Variants in MTMR14 observed in about 807,000 individuals in gnomAD.
MTMR14 encodes the protein phosphatidylinositol-3,5-bisphosphate 3-phosphatase MTMR14.
Under a neutral mutation model 86.3 loss-of-function variants are expected in MTMR14, and 48 were observed. The observed-to-expected ratio is 0.56, with a 90% confidence interval of 0.44 to 0.71. The LOEUF (loss-of-function observed/expected upper bound fraction) is 0.71, where lower values mean the gene tolerates loss of function less well. Ranked by LOEUF, MTMR14 falls within the 30% of genes least tolerant of loss-of-function variation. The probability of loss-of-function intolerance (pLI) is 0.00; values close to 1 mark genes in which losing one functional copy is unlikely to be tolerated. For synonymous variants in MTMR14, 366 were observed against 326.1 expected, an observed-to-expected ratio of 1.12 and a Z score of -1.32; for missense variants, 780 against 834.6, an observed-to-expected ratio of 0.93 and a Z score of 0.81.
intron 7 of MTMR14, among the ~76,000 whole-genome samples, chr3:9,672,969 G>A (rs1378802779): frequency 3.9e-5 from 6 of 152,148 alleles, no homozygotes; most frequent in Admixed American, 2.0e-4. Context: ...AGGGGTTTAG[G>A]GATTTTGTAC....
At chr3:9,673,818 T>C (rs2048705353) in intron 7 of MTMR14, among the ~76,000 whole-genome samples, 1 of 144,196 alleles carries the variant, frequency 6.9e-6, no homozygotes, top group African/African-American at 2.9e-5. Flanking sequence ...GCCAGACCCC[T>C]CCATAACAGG....
rs921183614 is a variant in MTMR14, at chr3:9,697,815, C to T, written c.1718C>T (p.Thr573Ile). 1.9e-6 allele frequency: 3 copies of T among 1,614,234 alleles called. No homozygotes were observed. The highest frequency in any genetic ancestry group is 2.2e-5 in the East Asian group (1 of 44,878). ...ATTCAGGAGCGGGCTGTCCTGCACA[C>T]AGACTCCTCTCTCCCTTTCAGCTTC... ...GSIQERAVLH[T>I]DSSLPFSFPD... The change falls in exon 18 of 19, where the codon ACA becomes ATA. Residue 573 changes from threonine (T) to isoleucine (I), a missense_variant. By Grantham distance (89) the Thr-to-Ile change is moderately conservative (BLOSUM62 -1). Coordinates refer to ENST00000296003, the MANE Select transcript of MTMR14 (RefSeq NM_001077525.3).
At chr3:9,668,109 T>G (rs1185731571) in intron 3 of MTMR14, among the ~76,000 whole-genome samples, 1 of 152,188 alleles carries the variant, frequency 6.6e-6, no homozygotes, top group Non-Finnish European at 1.5e-5. Context: ...CAGTTGCCCG[T>G]TTCTAGAATT....
intron 1 of MTMR14, chr3:9,650,423 G>C: frequency 2.2e-6 from 1 of 455,014 alleles, no homozygotes; most frequent in Non-Finnish European, 4.4e-6. Flanking sequence ...TGCCGACCCT[G>C]CCATCTCATT....
intron 13 of MTMR14, 88 bp from the exon 14 acceptor site, chr3:9,687,733 G>T: frequency 9.5e-7 from 1 of 1,056,064 alleles, no homozygotes; most frequent in Non-Finnish European, 1.4e-6. Context: ...TCCAGCAGGG[G>T]CCTTGACCTG....
chr3:9,667,622 C>G (rs759452257), intron 3 of MTMR14, among the ~76,000 whole-genome samples: 12 of 152,116 alleles, frequency 7.9e-5, no homozygotes, highest in Admixed American at 3.3e-4. Flanking sequence ...GCTCTTGCCC[C>G]AGCACCAATA....
At chr3:9,663,414 ATCT>A (rs2048050835) in intron 3 of MTMR14, among the ~76,000 whole-genome samples, 1 of 145,406 alleles carries the variant, frequency 6.9e-6, no homozygotes, top group Non-Finnish European at 1.5e-5. Context: ...CTAGAAATTG[ATCT>A]TCTTAAAGCT....
At chr3:9,674,507 G>T (rs2048745905) in intron 7 of MTMR14, among the ~76,000 whole-genome samples, 2 of 152,232 alleles carry the variant, frequency 1.3e-5, no homozygotes, top group East Asian at 1.9e-4. Flanking sequence ...TCGAAAATGG[G>T]CTGGGCATGG....
chr3:9,689,557 G>A (rs1390707611), intron 16 of MTMR14, among the ~76,000 whole-genome samples: 1 of 152,174 alleles, frequency 6.6e-6, no homozygotes, highest in African/African-American at 2.4e-5. Flanking sequence ...AGTCCTGAGT[G>A]GTGGCTTATA....
chr3:9,671,768 A>C (rs1296051339), intron 6 of MTMR14, among the ~76,000 whole-genome samples: 1 of 152,198 alleles, frequency 6.6e-6, no homozygotes, highest in East Asian at 1.9e-4. Flanking sequence ...AGAAGTCAAA[A>C]CTAAAAAATA....
chr3:9,666,143 T>G (rs1240338370), intron 3 of MTMR14, among the ~76,000 whole-genome samples: 1 of 148,642 alleles, frequency 6.7e-6, no homozygotes, highest in African/African-American at 2.5e-5. Flanking sequence ...GTTTTTTTTT[T>G]TTTTTTTTTT....
At chr3:9,695,708 A>T (rs989758471) in intron 17 of MTMR14, among the ~76,000 whole-genome samples, 2 of 152,182 alleles carry the variant, frequency 1.3e-5, no homozygotes, top group Non-Finnish European at 2.9e-5. Context: ...GCTGTGCCTC[A>T]ACCTAGTCAG....
At position 9,664,704 on chromosome 3, in the gene MTMR14, A is replaced by G. The variant is rs185013599; in HGVS notation, c.417+2329A>G. Among the ~76,000 whole-genome samples the G allele has an allele frequency of 2.6e-5, 4 of 152,308 alleles. No homozygotes were observed. In the East Asian group the frequency reaches 7.7e-4, roughly 29 times the overall value. On this transcript the variant is annotated intron_variant, in intron 3 of 18. Transcript: ENST00000296003. ...TTTGAAAGCTAAAAAAATTAAAACA[A>G]TTGAACTCATGAAGATAGAGAGTAG...
chr3:9,684,151 A>G (rs2075859789), intron 10 of MTMR14, among the ~76,000 whole-genome samples: 2 of 152,136 alleles, frequency 1.3e-5, no homozygotes, highest in African/African-American at 4.8e-5. Flanking sequence ...GAGGGTGGGG[A>G]AGGTAGTACT....
intron 2 of MTMR14, among the ~76,000 whole-genome samples, chr3:9,661,117 T>G (rs2047905709): frequency 6.6e-6 from 1 of 152,190 alleles, no homozygotes; most frequent in Non-Finnish European, 1.5e-5. Flanking sequence ...CTCTTATGCC[T>G]CCTTTGCTCT....
Position 9,701,957 on chromosome 3 carries a change from G to C in MTMR14, c.1937G>C (p.Ser646Thr), listed in dbSNP as rs751150103. The C allele has an allele frequency of 6.2e-7, 1 of 1,614,182 alleles. No individual in the cohort carries two copies. Among genetic ancestry groups the C allele is most frequent in the Admixed American group, 1.7e-5 (1 of 60,036 alleles). ...CGTGGTGTTGGACTCCGGAGCATCA[G>C]CAGCAATGCCTTGTGAAGAAGCCAG... ...FARGVGLRSI[S>T]SNAL Residue 646 changes from serine to threonine, a missense_variant, in exon 19 of 19, where the codon AGC becomes ACC. Physicochemically the swap from Ser to Thr is moderately conservative, Grantham distance 58. Coordinates refer to ENST00000296003, the MANE Select transcript of MTMR14 (RefSeq NM_001077525.3). This position sits in a 1 kb window ranked among gnomAD's most constrained non-coding sequence, Gnocchi z 4.2.
At chr3:9,658,562 T>C (rs2047740485) in intron 2 of MTMR14, among the ~76,000 whole-genome samples, 1 of 152,252 alleles carries the variant, frequency 6.6e-6, no homozygotes, top group Admixed American at 6.5e-5. Flanking sequence ...GGTGAGGCCC[T>C]GCCGGATAGT....
chr3:9,688,837 G>GA (rs2076046877), intron 15 of MTMR14, 83 bp downstream of exon 15: 1 of 1,601,346 alleles, frequency 6.2e-7, no homozygotes, highest in Non-Finnish European at 8.5e-7. Context: ...TGTGCTAAGA[G>GA]GTTTTTTGTT....
intron 7 of MTMR14, among the ~76,000 whole-genome samples, chr3:9,676,270 A>G (rs1452233815): frequency 1.3e-5 from 2 of 152,234 alleles, no homozygotes; most frequent in East Asian, 1.9e-4. Context: ...AAGCTAGCCA[A>G]GTGCCTTCTC....
Sources: gnomAD v4.1 joint callset for allele counts (sites outside exome capture counted in the v4.1 genomes callset) on GRCh38, gnomAD v4.1.1 for gene constraint, Gnocchi (gnomAD v3.1) non-coding constraint, MANE v1.5 for transcripts, NCBI Gene and HGNC (gene_info 2026-07-23, HGNC 2026-07-21) for gene names.